GRIK5: variants seen among roughly 807,000 people sequenced by gnomAD.
GRIK5 encodes the protein glutamate receptor ionotropic, kainate 5.
In GRIK5, 43 loss-of-function variants were observed where a neutral mutation model predicts 97.4. That is an observed-to-expected ratio of 0.44 (90% CI 0.35 to 0.57). The LOEUF is 0.57. GRIK5 is among the 20% of genes least tolerant of loss of function. The pLI is 0.01. For synonymous variants in GRIK5, 580 were observed against 583.5 expected, an observed-to-expected ratio of 0.99 and a Z score of 0.09; for missense variants, 1,015 against 1,382.0, an observed-to-expected ratio of 0.73 and a Z score of 4.21.
intron 11 of GRIK5, among the ~76,000 whole-genome samples, chr19:42,048,293 T>C (rs1178941893): frequency 6.6e-6 from 1 of 152,128 alleles, no homozygotes; most frequent in Non-Finnish European, 1.5e-5. Context: ...AATACATACA[T>C]CAGACAAATG....
intron 12 of GRIK5, among the ~76,000 whole-genome samples, chr19:42,033,280 T>C (rs949637956): frequency 2.2e-5 from 3 of 134,860 alleles, no homozygotes; most frequent in Admixed American, 8.8e-5. Context: ...ATCATGCCAC[T>C]GCACTCCAGC....
intron 11 of GRIK5, among the ~76,000 whole-genome samples, chr19:42,053,074 C>T (rs1039965440): frequency 2.0e-5 from 3 of 152,120 alleles, no homozygotes; most frequent in Admixed American, 6.5e-5. Flanking sequence ...GGAGTGGCAC[C>T]CCCAGGGCTA....
At chr19:42,049,209 G>A (rs1452223910) in intron 11 of GRIK5, among the ~76,000 whole-genome samples, 1 of 152,110 alleles carries the variant, frequency 6.6e-6, no homozygotes, top group Non-Finnish European at 1.5e-5. Flanking sequence ...ATTCGCTGCC[G>A]CTGGGAATGA....
chr19:42,028,206 C>T (rs1281627206), intron 12 of GRIK5, among the ~76,000 whole-genome samples: 1 of 152,162 alleles, frequency 6.6e-6, no homozygotes, highest in East Asian at 1.9e-4. Context: ...CGGGCCCCCT[C>T]ACAGTTATTT....
intron 12 of GRIK5, among the ~76,000 whole-genome samples, chr19:42,030,487 C>G (rs184741649): frequency 6.6e-6 from 1 of 151,906 alleles, no homozygotes; most frequent in African/African-American, 2.4e-5. Context: ...CAGACAGGGT[C>G]TTGCCCTGTC....
chr19:42,042,944 C>T lies in GRIK5; in HGVS notation c.1270-189G>A, dbSNP rs1021645164. The T allele has an allele frequency of 1.2e-5, 7 of 599,628 alleles. No homozygotes were observed. Among genetic ancestry groups the T allele is most frequent in the South Asian group, 1.0e-4 (5 of 49,996 alleles). 37.1% of individuals were successfully genotyped at this position (599,628 alleles called of 1,614,324 possible). A position where few individuals can be genotyped will look rare whatever the true frequency, so the allele number is the denominator to read the frequency against. On this transcript the variant is annotated intron_variant, in intron 11 of 19. Coordinates refer to ENST00000593562, the MANE Select transcript of GRIK5 (RefSeq NM_002088.5). The surrounding 1 kb of genome is among the most constrained non-coding windows in gnomAD (Gnocchi z 6.9). ...TAGACCTGAAAGCCAGGGAAAAACACATGGGTACTGCCAGTTCCTAGCAGA... is the reference window on the plus strand; with the variant it reads ...TAGACCTGAAAGCCAGGGAAAAACATATGGGTACTGCCAGTTCCTAGCAGA...
Position 42,056,695 on chromosome 19 carries a change from C to T in GRIK5, c.870G>A (p.Glu290=). The part of the protein sequence containing the change: ...FVRSLNMSWR[E]NCEASTYLGP... ...CCAGGTAGGTGCTGGCTTCACAGTT[C>T]TCCCTCCAGGACATGTTGAGGCTGC... The change falls in exon 8 of 20, where the codon GAG becomes GAA. Residue 290 remains glutamate, a synonymous_variant. Transcript: ENST00000593562. 6.2e-7 allele frequency: 1 copy of T among 1,614,026 alleles called. No homozygotes were observed. Among genetic ancestry groups the T allele is most frequent in the Non-Finnish European group, 8.5e-7 (1 of 1,179,922 alleles).
Position 42,002,440 on chromosome 19 carries a change from T to C in GRIK5, c.2514+892A>G. On this transcript the variant is annotated intron_variant, in intron 19 of 19. Coordinates refer to ENST00000593562, the MANE Select transcript of GRIK5 (RefSeq NM_002088.5). This position sits in a 1 kb window ranked among gnomAD's most constrained non-coding sequence, Gnocchi z 5.2. The stretch of plus-strand genomic sequence containing the variant: ...GAGGGATGTCCTTGAGAAGGCAACC[T>C]GGACACGGGTGGAGGGCACCTTTAC... 1.4e-6 allele frequency: 1 copy of C among 717,672 alleles called. No individual in the cohort carries two copies. The highest frequency in any genetic ancestry group is 2.6e-6 in the Non-Finnish European group (1 of 385,094). 44.5% of individuals were successfully genotyped at this position (717,672 alleles called of 1,614,324 possible).
chr19:42,044,299 A>G (rs2076016612), intron 11 of GRIK5, among the ~76,000 whole-genome samples: 1 of 152,214 alleles, frequency 6.6e-6, no homozygotes, highest in Admixed American at 6.5e-5. Context: ...GCAGTATGAA[A>G]ATGAACTAAT....
chr19:42,014,156 G>A (rs2075598627), intron 15 of GRIK5, among the ~76,000 whole-genome samples: 2 of 151,826 alleles, frequency 1.3e-5, no homozygotes, highest in African/African-American at 4.8e-5. Context: ...CACTTTGGGA[G>A]TCTGAGGCGG....
At position 42,065,055 on chromosome 19, in the gene GRIK5, C is replaced by T. The variant is rs2076310806; in HGVS notation, c.244+168G>A. 6.6e-6 allele frequency among the ~76,000 whole-genome samples: 1 copy of T among 152,246 alleles called. No individual in the cohort carries two copies. Among genetic ancestry groups the T allele is most frequent in the South Asian group, 2.1e-4 (1 of 4,836 alleles). On this transcript the variant is annotated intron_variant, in intron 3 of 19. Transcript: ENST00000593562. This position sits in a 1 kb window ranked among gnomAD's most constrained non-coding sequence, Gnocchi z 5.8. The stretch of plus-strand genomic sequence containing the variant: ...TTATGCTCTCCCTCCTCTCCAACCC[C>T]CAGGCCCAGCAGCAGCCATGTCTGG...
chr19:42,053,624 G>T lies in GRIK5; in HGVS notation c.1247C>A (p.Thr416Asn). 1.2e-6 allele frequency: 2 copies of T among 1,610,900 alleles called. No homozygotes were observed. Among genetic ancestry groups the T allele is most frequent in the Non-Finnish European group, 1.7e-6 (2 of 1,177,064 alleles). ...INLSQTLANKTLVVTTILENP... is the reference protein window; with the variant it reads ...INLSQTLANKNLVVTTILENP... Reference sequence around the variant, plus strand: ...CACCAGGATGGTTGTGACCACCAGGGTCTTGTTGGCCAGTGTCTGCGACAG... The same window carrying T: ...CACCAGGATGGTTGTGACCACCAGGTTCTTGTTGGCCAGTGTCTGCGACAG... The change falls in exon 11 of 20, where the codon ACC becomes AAC. Residue 416 changes from threonine to asparagine, a missense_variant. Thr to Asn is a moderately conservative substitution (Grantham distance 65). Around this residue, in one of 5 missense-constraint regions of GRIK5, gnomAD observed 477 missense variants for 701.1 expected, o/e 0.68. Coordinates refer to ENST00000593562, the MANE Select transcript of GRIK5 (RefSeq NM_002088.5).
intron 15 of GRIK5, among the ~76,000 whole-genome samples, chr19:42,017,216 G>A (rs1047560730): frequency 6.6e-6 from 1 of 152,252 alleles, no homozygotes; most frequent in African/African-American, 2.4e-5. Context: ...GATATCAAGT[G>A]GCAACATAAT....
At chr19:42,040,533 C>T (rs1485490962) in intron 12 of GRIK5, among the ~76,000 whole-genome samples, 1 of 152,190 alleles carries the variant, frequency 6.6e-6, no homozygotes, top group African/African-American at 2.4e-5. Flanking sequence ...TCTCCTGTCT[C>T]ACCCGGGGCC....
At chr19:42,013,806 C>G (rs147872485) in intron 15 of GRIK5, among the ~76,000 whole-genome samples, 201 of 152,044 alleles carry the variant, frequency 1.3e-3, no homozygotes, top group African/African-American at 4.5e-3. Context: ...GGTGGGAGGA[C>G]TGCTTGAGCC....
intron 15 of GRIK5, among the ~76,000 whole-genome samples, chr19:42,015,186 G>A (rs138613251): frequency 2.6e-4 from 40 of 152,242 alleles, no homozygotes; most frequent in African/African-American, 9.1e-4. Context: ...GAAGAGAAAC[G>A]GATAAATTTC....
intron 12 of GRIK5, among the ~76,000 whole-genome samples, chr19:42,028,876 A>G (rs900779367): frequency 2.0e-5 from 3 of 152,240 alleles, no homozygotes; most frequent in Admixed American, 2.0e-4. Context: ...CATACAACAG[A>G]AGAGCTAAGG....
At chr19:42,055,566 A>G (rs2076172474) in intron 8 of GRIK5, among the ~76,000 whole-genome samples, 2 of 152,232 alleles carry the variant, frequency 1.3e-5, no homozygotes, top group Non-Finnish European at 2.9e-5. Flanking sequence ...ACAGTCCTCA[A>G]ATCCATATCT....
intron 12 of GRIK5, among the ~76,000 whole-genome samples, chr19:42,036,641 C>T (rs2075909343): frequency 6.6e-6 from 1 of 152,240 alleles, no homozygotes; most frequent in Non-Finnish European, 1.5e-5. Flanking sequence ...CAGGCGTAAG[C>T]CACCATGCCT....
Sources: gnomAD v4.1 joint callset for allele counts (sites outside exome capture counted in the v4.1 genomes callset) on GRCh38, gnomAD v4.1.1 for gene constraint, gnomAD v4.1.1 regional missense constraint, Gnocchi (gnomAD v3.1) non-coding constraint, MANE v1.5 for transcripts, NCBI Gene and HGNC (gene_info 2026-07-23, HGNC 2026-07-21) for gene names.